CACNA1C: variants seen among roughly 807,000 people sequenced by gnomAD.
The protein encoded by CACNA1C is voltage-dependent L-type calcium channel subunit alpha-1C.
In CACNA1C, 30 loss-of-function variants were observed where a neutral mutation model predicts 229.0. The ratio of observed to expected loss-of-function variants is 0.13; its 90% CI spans 0.10 to 0.18. The LOEUF is 0.18. CACNA1C is among the 10% of genes least tolerant of loss of function. The pLI is 1.00. For missense variants in CACNA1C, 1,658 were observed against 2,845.0 expected (o/e 0.58, Z 9.49); for synonymous variants, 1,114 against 1,132.5 (o/e 0.98, Z 0.33).
intron 3 of CACNA1C, among the ~76,000 whole-genome samples, chr12:2,175,073 G>C (rs906941241): frequency 6.7e-6 from 1 of 148,518 alleles, no homozygotes; most frequent in African/African-American, 2.5e-5. Flanking sequence ...AAGGTCAGCT[G>C]TACTTTGGCA....
chr12:2,379,304 C>T (rs1221911106), intron 3 of CACNA1C, among the ~76,000 whole-genome samples: 2 of 152,184 alleles, frequency 1.3e-5, no homozygotes, highest in Non-Finnish European at 1.5e-5. Flanking sequence ...TAGGCTGTCC[C>T]GGGCTAATAA....
chr12:2,576,444 G>A (rs1290760166), intron 13 of CACNA1C, among the ~76,000 whole-genome samples: 1 of 152,140 alleles, frequency 6.6e-6, no homozygotes, highest in Admixed American at 6.5e-5. Context: ...TTTTCCATGA[G>A]GCCTGTGACC....
chr12:2,053,094 G>A lies in CACNA1C; in HGVS notation c.-469G>A, dbSNP rs905307394. The A allele has an allele frequency of 1.0e-6, 1 of 984,618 alleles. No homozygotes were observed. The highest frequency in any genetic ancestry group is 1.7e-5 in the African/African-American group (1 of 57,148). The allele number at this position is 984,618 out of a possible 1,614,324, so 61.0% of individuals were successfully genotyped here. On this transcript the variant is annotated 5_prime_UTR_variant, in exon 1 of 47. Transcript: ENST00000399655. This position sits in a 1 kb window ranked among gnomAD's most constrained non-coding sequence, Gnocchi z 5.8. ...CGGCTCTTCCTGCCTCCGCGCCCAG[G>A]AGTTGCCGGCTCCCTTTGACAGCAG...
chr12:2,144,374 A>G (rs2094528629), intron 3 of CACNA1C, among the ~76,000 whole-genome samples: 2 of 151,242 alleles, frequency 1.3e-5, no homozygotes, highest in Admixed American at 1.3e-4. Context: ...TATCATTTTG[A>G]CATATAAACA....
At chr12:2,548,201 C>T (rs2099885504) in intron 9 of CACNA1C, among the ~76,000 whole-genome samples, 1 of 152,154 alleles carries the variant, frequency 6.6e-6, no homozygotes, top group Non-Finnish European at 1.5e-5. Flanking sequence ...TGAGCTAAAA[C>T]CATCCCTAAG....
rs1370415605 is a variant in CACNA1C, at chr12:2,653,261, T to G, written c.4075-574T>G. On this transcript the variant is annotated intron_variant, in intron 32 of 46. Coordinates refer to ENST00000399655, the MANE Select transcript of CACNA1C (RefSeq NM_000719.7). The surrounding 1 kb of genome is among the most constrained non-coding windows in gnomAD (Gnocchi z 4.7). ...GAGGTATTATTATTGTTTCCATTTT[T>G]CTGATGAGGAGACTGAAGTTCAGAG... is the stretch of plus-strand genomic sequence containing the variant. 6.6e-6 allele frequency among the ~76,000 whole-genome samples: 1 copy of G among 152,258 alleles called. No individual in the cohort carries two copies. The highest frequency in any genetic ancestry group is 1.5e-5 in the Non-Finnish European group (1 of 68,048).
Position 2,319,805 on chromosome 12 carries a change from C to T in CACNA1C, c.478-129171C>T, listed in dbSNP as rs1452551950. On this transcript the variant is annotated intron_variant, in intron 3 of 46. Transcript: ENST00000399655. The surrounding 1 kb of genome is among the most constrained non-coding windows in gnomAD (Gnocchi z 4.0). ...GCACTAGATGGGAAGGGGCTGGACCCTGAAAGAGCCTGCCAGGTATCCCCT... is the reference window on the plus strand; with the variant it reads ...GCACTAGATGGGAAGGGGCTGGACCTTGAAAGAGCCTGCCAGGTATCCCCT... Among the ~76,000 whole-genome samples the T allele has an allele frequency of 6.6e-6, 1 of 152,098 alleles. No homozygotes were observed. The highest frequency in any genetic ancestry group is 2.4e-5 in the African/African-American group (1 of 41,400).
intron 3 of CACNA1C, among the ~76,000 whole-genome samples, chr12:2,323,450 G>A (rs566278698): frequency 7.0e-4 from 106 of 152,222 alleles, no homozygotes; most frequent in African/African-American, 2.1e-3. Flanking sequence ...GAAAATAGTG[G>A]CAGAATCTGA....
intron 1 of CACNA1C, among the ~76,000 whole-genome samples, chr12:1,973,870 C>T (rs1486477396): frequency 1.3e-5 from 2 of 152,136 alleles, no homozygotes; most frequent in Admixed American, 1.3e-4. Flanking sequence ...TCCTTGGCCA[C>T]AAATATCATG....
chr12:2,268,613 G>T (rs900222841), intron 3 of CACNA1C, among the ~76,000 whole-genome samples: 5 of 152,162 alleles, frequency 3.3e-5, no homozygotes, highest in Admixed American at 3.3e-4. Flanking sequence ...GGTGTCCTGG[G>T]GGGAGGGTTC....
chr12:2,301,010 TG>T lies in CACNA1C; in HGVS notation c.478-147962del, dbSNP rs1417231696. On this transcript the variant is annotated intron_variant, in intron 3 of 46. Coordinates refer to ENST00000399655, the MANE Select transcript of CACNA1C (RefSeq NM_000719.7). ...CTGGAGCTGCACAGCCACTTATAAC[TG>T]GGGTCATCTGGGTCTGTGGCCCCCT... Among the ~76,000 whole-genome samples, 3 of 152,276 alleles carry T rather than the reference TG, an allele frequency of 2.0e-5. No individual in the cohort carries two copies. The East Asian group carries it at 5.8e-4, about 29-fold the overall frequency.
chr12:2,028,510 A>G (rs1745214003), intron 1 of CACNA1C, among the ~76,000 whole-genome samples: 1 of 152,184 alleles, frequency 6.6e-6, no homozygotes. Flanking sequence ...TTCTTTTATT[A>G]TCCTATTTAC....
chr12:2,482,489 T>C (rs2154569916), intron 5 of CACNA1C, among the ~76,000 whole-genome samples: 1 of 152,322 alleles, frequency 6.6e-6, no homozygotes, highest in East Asian at 1.9e-4. Context: ...CAGAAACATA[T>C]GGTTACAAAT....
chr12:2,653,761 C>A lies in CACNA1C; in HGVS notation c.4075-74C>A. On this transcript the variant is annotated intron_variant, in intron 32 of 46. Coordinates refer to ENST00000399655, the MANE Select transcript of CACNA1C (RefSeq NM_000719.7). The surrounding 1 kb of genome is among the most constrained non-coding windows in gnomAD (Gnocchi z 4.7). ...GCTGATGGCTGCAGAGACAGGGATG[C>A]GGCGCTCCCTGGGAAGGGGCCCAGC... 7.9e-7 allele frequency: 1 copy of A among 1,269,392 alleles called. No individual in the cohort carries two copies. Among genetic ancestry groups the A allele is most frequent in the Non-Finnish European group, 1.1e-6 (1 of 875,080 alleles). 78.6% of individuals were successfully genotyped at this position (1,269,392 alleles called of 1,614,324 possible).
intron 3 of CACNA1C, among the ~76,000 whole-genome samples, chr12:2,238,221 T>G (rs2068265813): frequency 6.6e-6 from 1 of 152,204 alleles, no homozygotes; most frequent in Admixed American, 6.5e-5. Context: ...ATGATATGTG[T>G]ATAAACTGGG....
chr12:2,355,116 C>T (rs1047404088), intron 3 of CACNA1C, among the ~76,000 whole-genome samples: 12 of 152,134 alleles, frequency 7.9e-5, no homozygotes, highest in East Asian at 1.9e-4. Flanking sequence ...TACCTTCTAC[C>T]GCACACACCG....
intron 3 of CACNA1C, among the ~76,000 whole-genome samples, chr12:2,183,913 G>A (rs1042509800): frequency 2.0e-5 from 3 of 152,380 alleles, no homozygotes; most frequent in African/African-American, 4.8e-5. Context: ...CCTGGTTCCT[G>A]TAAACGTAAA....
intron 5 of CACNA1C, among the ~76,000 whole-genome samples, chr12:2,461,704 G>A (rs913078528): frequency 6.6e-6 from 1 of 152,150 alleles, no homozygotes; most frequent in Non-Finnish European, 1.5e-5. Context: ...CATCCTTCTA[G>A]CTTCTCAGGC....
chr12:2,391,507 A>C (rs1787702445), intron 3 of CACNA1C, among the ~76,000 whole-genome samples: 1 of 152,162 alleles, frequency 6.6e-6, no homozygotes, highest in African/African-American at 2.4e-5. Flanking sequence ...CAGGACTGTC[A>C]GGGAAGCCCG....
Sources: gnomAD v4.1 joint callset for allele counts (sites outside exome capture counted in the v4.1 genomes callset) on GRCh38, gnomAD v4.1.1 for gene constraint, Gnocchi (gnomAD v3.1) non-coding constraint, MANE v1.5 for transcripts, NCBI Gene and HGNC (gene_info 2026-07-23, HGNC 2026-07-21) for gene names.